Variants in C1orf116 observed in about 807,000 individuals in gnomAD.
The protein encoded by C1orf116 is specifically androgen-regulated gene protein.
Under a neutral mutation model 14.1 loss-of-function variants are expected in C1orf116, and 12 were observed. That is an observed-to-expected ratio of 0.85 (90% CI 0.54 to 1.38). C1orf116 has a LOEUF of 1.38. Among genes scored for constraint, C1orf116 ranks in the 40% most tolerant of loss-of-function variants. The pLI is 0.00. For missense variants in C1orf116, 797 were observed against 747.0 expected (o/e 1.07, Z -0.78); for synonymous variants, 296 against 299.0 (o/e 0.99, Z 0.10).
chr1:207,020,987 A>G lies in C1orf116; in HGVS notation c.*971T>C, dbSNP rs1681828099. On this transcript the variant is annotated 3_prime_UTR_variant, in exon 4 of 4. Transcript: ENST00000359470. ...TTCTATTAAGACTGGCAGAGGATGT[A>G]TTGTGTGGGTTTTCTATCACTGGAA... 6.6e-6 allele frequency: 1 copy of G among 152,084 alleles called. No individual in the cohort carries two copies. 9.4% of individuals were successfully genotyped at this position (152,084 alleles called of 1,614,324 possible). A position where few individuals can be genotyped will look rare whatever the true frequency, so the allele number is the denominator to read the frequency against.
At chr1:207,025,311 C>T (rs1284031250) in intron 2 of C1orf116, among the ~76,000 whole-genome samples, 1 of 152,228 alleles carries the variant, frequency 6.6e-6, no homozygotes, top group African/African-American at 2.4e-5. Flanking sequence ...TGTCAGGAGG[C>T]TGGCCCACTA....
At chr1:207,025,139 A>C in intron 2 of C1orf116, 75 bp from the exon 3 acceptor site, 1 of 1,133,658 alleles carries the variant, frequency 8.8e-7, no homozygotes, top group Non-Finnish European at 1.3e-6. Flanking sequence ...AGAGGGAGAG[A>C]GAGCTGTGAG....
At chr1:207,025,087 CGGGGGCGGGGAGGCGGGGGG>C in intron 2 of C1orf116, 23 bp from the exon 3 acceptor site, 1 of 11,528 alleles carries the variant, frequency 8.7e-5, no homozygotes, top group Non-Finnish European at 1.4e-4. Flanking sequence ...GGGTTGGGGG[CGGGGGCGGGGAGGCGGGGGG>C]GAGGGCGAGA....
At chr1:207,030,877 A>C (rs552598368) in intron 1 of C1orf116, among the ~76,000 whole-genome samples, 1 of 152,342 alleles carries the variant, frequency 6.6e-6, no homozygotes, top group Non-Finnish European at 1.5e-5. Flanking sequence ...ATTAAATATT[A>C]ACTACACCAC....
chr1:207,024,794 G>T, intron 3 of C1orf116, 93 bp downstream of exon 3: 1 of 1,433,292 alleles, frequency 7.0e-7, no homozygotes, highest in Non-Finnish European at 9.6e-7. Context: ...TGTGACCCTT[G>T]GGGTAGAGGG....
In C1orf116 at chr1:207,022,762, G is replaced by A. The variant is rs1420182325; in HGVS notation, c.1002C>T (p.Gly334=). ...RHTEAAPGDS[G]LISCSLQEQR... ...GCTCTTGCAGTGAACAGGAGATCAG[G>A]CCAGAATCTCCAGGGGCAGCCTCAG... The change falls in exon 4 of 4, where the codon GGC becomes GGT. Residue 334 remains glycine, a synonymous_variant. Transcript: ENST00000359470. 1.2e-6 allele frequency: 2 copies of A among 1,614,052 alleles called. No homozygotes were observed. The highest frequency in any genetic ancestry group is 1.7e-6 in the Non-Finnish European group (2 of 1,180,040).
chr1:207,031,877 T>C (rs1256146182), intron 1 of C1orf116, among the ~76,000 whole-genome samples: 1 of 152,214 alleles, frequency 6.6e-6, no homozygotes, highest in Non-Finnish European at 1.5e-5. Context: ...TGTTTGCCAG[T>C]CTCTGTGTCT....
chr1:207,032,663 GCCT>G lies in C1orf116; in HGVS notation c.-169_-167del. The G allele has an allele frequency of 1.0e-6, 1 of 985,422 alleles. No individual in the cohort carries two copies. The highest frequency in any genetic ancestry group is 1.2e-6 in the Non-Finnish European group (1 of 829,972). The allele number at this position is 985,422 out of a possible 1,614,324, so 61.0% of individuals were successfully genotyped here. A position where few individuals can be genotyped will look rare whatever the true frequency, so the allele number is the denominator to read the frequency against. On this transcript the variant is annotated 5_prime_UTR_variant, in exon 1 of 4. Coordinates refer to ENST00000359470, the MANE Select transcript of C1orf116 (RefSeq NM_023938.6). ...GATGGAGACAGAGGCTGCTTCCCCT[GCCT>G]CCTACTGTTTTCTTCTCCTTTTGAG...
rs1681788083 is a variant in C1orf116 at position 207,019,991 on chromosome 1, A to T, written c.*1967T>A. On this transcript the variant is annotated 3_prime_UTR_variant, in exon 4 of 4. Coordinates refer to ENST00000359470, the MANE Select transcript of C1orf116 (RefSeq NM_023938.6). ...CCCAAGTTTCCCTATTAATCAAGAA[A>T]ATTAATGAATAAGGAATAAGGTGAT... 6.6e-6 allele frequency: 1 copy of T among 152,208 alleles called. No homozygotes were observed. The highest frequency in any genetic ancestry group is 2.4e-5 in the African/African-American group (1 of 41,448). 9.4% of individuals were successfully genotyped at this position (152,208 alleles called of 1,614,324 possible). A position where few individuals can be genotyped will look rare whatever the true frequency, so the allele number is the denominator to read the frequency against.
Position 207,027,640 on chromosome 1 carries a change from A to T in C1orf116, c.-42T>A. On this transcript the variant is annotated 5_prime_UTR_variant, in exon 2 of 4. Coordinates refer to ENST00000359470, the MANE Select transcript of C1orf116 (RefSeq NM_023938.6). ...CAGGGATGGCAAAGGGGGCTTCTAG[A>T]GGGGAAGCGAGGGGAAGTGAACAAT... 6.2e-7 allele frequency: 1 copy of T among 1,600,656 alleles called. No homozygotes were observed. Among genetic ancestry groups the T allele is most frequent in the Non-Finnish European group, 8.5e-7 (1 of 1,177,272 alleles).
In C1orf116 at chr1:207,022,155, TC is replaced by T; in HGVS notation, c.1608del (p.Asp538IlefsTer7). 1.9e-6 allele frequency: 3 copies of T among 1,613,352 alleles called. No individual in the cohort carries two copies. Among genetic ancestry groups the T allele is most frequent in the Non-Finnish European group, 2.5e-6 (3 of 1,179,454 alleles). ...CCTACCTGGATACCTGCAAAATCTT[TC>T]CCCGTGCCCAGGGAGGCCGGGCGGG... is the stretch of plus-strand genomic sequence containing the variant. ...SRPRPASLGT[G>X]KDFAGIQVGK... On this transcript the variant is annotated frameshift_variant, in exon 4 of 4. Coordinates refer to ENST00000359470, the MANE Select transcript of C1orf116 (RefSeq NM_023938.6). LOFTEE classifies it high-confidence loss of function.
intron 1 of C1orf116, among the ~76,000 whole-genome samples, chr1:207,031,283 C>T (rs900052118): frequency 6.6e-6 from 1 of 152,224 alleles, no homozygotes; most frequent in Non-Finnish European, 1.5e-5. Context: ...ACATTATCAT[C>T]TTCCCTTTCA....
intron 1 of C1orf116, among the ~76,000 whole-genome samples, chr1:207,028,981 C>T (rs1298927238): frequency 3.9e-5 from 6 of 152,188 alleles, no homozygotes; most frequent in Non-Finnish European, 7.4e-5. Flanking sequence ...TAGAAGAAAA[C>T]GTGATCTATT....
intron 1 of C1orf116, among the ~76,000 whole-genome samples, chr1:207,031,712 G>A (rs1467998502): frequency 1.3e-5 from 2 of 152,204 alleles, no homozygotes; most frequent in Non-Finnish European, 2.9e-5. Context: ...GACACCTGCA[G>A]GAAAACAAAC....
chr1:207,032,404 A>T (rs1282095771), intron 1 of C1orf116, among the ~76,000 whole-genome samples, 175 bp downstream of exon 1: 1 of 152,198 alleles, frequency 6.6e-6, no homozygotes, highest in Non-Finnish European at 1.5e-5. Context: ...TACAATCTCA[A>T]GTTGCTACCA....
rs370838202 is a variant in C1orf116, at chr1:207,024,840, G to T, written c.283+47C>A. ...AGAAAGTGGCCGGAGGGGACATATT[G>T]ATTTTCTGGGTTTTGCTGGGGTTCC... On this transcript the variant is annotated intron_variant, in intron 3 of 3. Transcript: ENST00000359470. 3.1e-6 allele frequency: 5 copies of T among 1,592,386 alleles called. No homozygotes were observed. In the African/African-American group the frequency reaches 4.0e-5, roughly 13 times the overall value.
intron 2 of C1orf116, 85 bp downstream of exon 2, chr1:207,027,409 G>T: frequency 1.3e-6 from 2 of 1,523,418 alleles, no homozygotes; most frequent in South Asian, 1.2e-5. Flanking sequence ...GAGCCAGGAT[G>T]GGTGGCAGGA....
chr1:207,022,467 C>T lies in C1orf116; in HGVS notation c.1297G>A (p.Gly433Ser). 1 of 1,613,282 alleles carries T rather than the reference C, an allele frequency of 6.2e-7. No homozygotes were observed. The highest frequency in any genetic ancestry group is 8.5e-7 in the Non-Finnish European group (1 of 1,179,340). ...GPLPMKSPAP[G>S]NVAASKSMPI... ...ATAGATTTGCTAGCTGCAACATTGC[C>T]TGGAGCTGGAGACTTCATTGGCAAA... is the stretch of plus-strand genomic sequence containing the variant. Residue 433 changes from glycine (G) to serine (S), a missense_variant, in exon 4 of 4, where the codon GGC becomes AGC. Coordinates refer to ENST00000359470, the MANE Select transcript of C1orf116 (RefSeq NM_023938.6).
Position 207,018,766 on chromosome 1 carries a change from A to T in C1orf116, c.*3192T>A, listed in dbSNP as rs1681735269. On this transcript the variant is annotated 3_prime_UTR_variant, in exon 4 of 4. Transcript: ENST00000359470. ...CACTCTCCTGGGGAAAAGAGCCTAGATGTGTTCTATCTGCATTCCTGCTTA... is the reference window on the plus strand; with the variant it reads ...CACTCTCCTGGGGAAAAGAGCCTAGTTGTGTTCTATCTGCATTCCTGCTTA... The T allele has an allele frequency of 6.6e-6, 1 of 152,206 alleles. No individual in the cohort carries two copies. The highest frequency in any genetic ancestry group is 2.4e-5 in the African/African-American group (1 of 41,420). 9.4% of individuals were successfully genotyped at this position (152,206 alleles called of 1,614,324 possible). A position where few individuals can be genotyped will look rare whatever the true frequency, so the allele number is the denominator to read the frequency against.
Sources: gnomAD v4.1 joint callset for allele counts (sites outside exome capture counted in the v4.1 genomes callset) on GRCh38, gnomAD v4.1.1 for gene constraint, MANE v1.5 for transcripts, NCBI Gene and HGNC (gene_info 2026-07-23, HGNC 2026-07-21) for gene names.